The following HS6ST2 variants were observed in gnomAD, a reference collection of about 807,000 sequenced individuals.
HS6ST2 encodes heparan-sulfate 6-O-sulfotransferase 2.
HS6ST2 carries 17 observed loss-of-function variants against 33.0 expected under a neutral mutation model. The ratio of observed to expected loss-of-function variants is 0.52; its 90% CI spans 0.35 to 0.77. The LOEUF (loss-of-function observed/expected upper bound fraction) is 0.77, where lower values mean the gene tolerates loss of function less well. Among genes scored for constraint, HS6ST2 ranks in the 30% least tolerant of loss-of-function variants. HS6ST2 has a pLI of 0.01. For synonymous variants in HS6ST2, 248 were observed against 237.1 expected (o/e 1.05, Z -0.42); for missense variants, 519 against 551.7 (o/e 0.94, Z 0.59).
chrX:132,697,902 G>A (rs987949371), intron 3 of HS6ST2, among the ~76,000 whole-genome samples: 15 of 111,742 alleles, frequency 1.3e-4, no homozygotes, highest in Admixed American at 6.7e-4. Flanking sequence ...GGGAGCTAAC[G>A]TCACACTAAA....
At chrX:132,840,856 T>C (rs1048866937) in intron 2 of HS6ST2, among the ~76,000 whole-genome samples, 3 of 112,443 alleles carry the variant, frequency 2.7e-5, no homozygotes, top group Non-Finnish European at 5.6e-5. Flanking sequence ...TTCCCTCTCA[T>C]ATATAATGCA....
chrX:132,916,205 G>A (rs1048470062), intron 2 of HS6ST2, among the ~76,000 whole-genome samples: 4 of 111,614 alleles, frequency 3.6e-5, no homozygotes, highest in Non-Finnish European at 7.5e-5. Flanking sequence ...CAGCCCTGCT[G>A]CTAACTATCT....
intron 2 of HS6ST2, among the ~76,000 whole-genome samples, chrX:132,798,896 C>T (rs759396440): frequency 3.0e-4 from 34 of 111,855 alleles, no homozygotes; most frequent in African/African-American, 1.1e-3. Flanking sequence ...TCTTTTCTTC[C>T]CTAGCTGACT....
At chrX:132,786,963 G>T (rs1176819132) in intron 2 of HS6ST2, among the ~76,000 whole-genome samples, 4 of 105,258 alleles carry the variant, frequency 3.8e-5, no homozygotes, top group African/African-American at 6.9e-5. Context: ...TTCCTTCTTG[G>T]ATCCACATAT....
intron 2 of HS6ST2, among the ~76,000 whole-genome samples, chrX:132,715,406 A>G (rs1395932593): frequency 1.8e-5 from 2 of 112,211 alleles, no homozygotes; most frequent in Non-Finnish European, 3.8e-5. Context: ...ACTGCACTCC[A>G]GCTTGGGCAA....
intron 3 of HS6ST2, among the ~76,000 whole-genome samples, chrX:132,682,942 A>C (rs373455878): frequency 9.1e-6 from 1 of 109,545 alleles, no homozygotes; most frequent in Non-Finnish European, 1.9e-5. Flanking sequence ...CTCGTCTCTA[A>C]ATAATAATAA....
rs1052904757 is a variant in HS6ST2, at chrX:132,627,088, G to A, written c.*1135C>T. The A allele has an allele frequency of 8.9e-6, 1 of 112,011 alleles. No individual in the cohort carries two copies. The highest frequency in any genetic ancestry group is 1.9e-5 in the Non-Finnish European group (1 of 53,127). The allele number at this position is 112,011 out of a possible 1,213,427, so 9.2% of individuals were successfully genotyped here. ...CTGTCAACATGAAAAAGAACTAAAG[G>A]GCTAGAAATAGTTGGCCCAACTGGA... On this transcript the variant is annotated 3_prime_UTR_variant, in exon 5 of 5. Transcript: ENST00000370833.
chrX:132,659,517 G>A (rs1282355395), intron 4 of HS6ST2, among the ~76,000 whole-genome samples: 1 of 111,648 alleles, frequency 9.0e-6, no homozygotes, highest in Non-Finnish European at 1.9e-5. Flanking sequence ...CTAAAGATAA[G>A]GTGATATTTC....
chrX:132,808,803 C>T (rs1336624367), intron 2 of HS6ST2: 1 of 111,868 alleles, frequency 8.9e-6, no homozygotes, highest in Non-Finnish European at 1.9e-5. Context: ...TGGACCACAG[C>T]CTTCCCTCTA....
chrX:132,881,623 G>C (rs1047470331), intron 2 of HS6ST2, among the ~76,000 whole-genome samples: 9 of 111,737 alleles, frequency 8.1e-5, no homozygotes, highest in East Asian at 2.8e-4. Context: ...AAGCTCTTGA[G>C]TTTAATTAGA....
intron 2 of HS6ST2, 87 bp from the exon 3 acceptor site, chrX:132,708,581 G>T: frequency 1.2e-6 from 1 of 849,572 alleles, no homozygotes; most frequent in South Asian, 2.3e-5. Flanking sequence ...TGTGCTTTAA[G>T]AGCATATTTC....
At chrX:132,798,816 CA>C (rs930098470) in intron 2 of HS6ST2, among the ~76,000 whole-genome samples, 1 of 111,580 alleles carries the variant, frequency 9.0e-6, no homozygotes, top group African/African-American at 3.3e-5. Flanking sequence ...ACTTCCAAAG[CA>C]CCCAGGGGAC....
intron 2 of HS6ST2, among the ~76,000 whole-genome samples, chrX:132,890,053 T>C (rs918247459): frequency 1.8e-5 from 2 of 111,767 alleles, no homozygotes; most frequent in Admixed American, 1.9e-4. Flanking sequence ...AATGCTCCTG[T>C]TAAAGAGGAC....
intron 2 of HS6ST2, among the ~76,000 whole-genome samples, chrX:132,832,726 A>G (rs2148390069): frequency 8.9e-6 from 1 of 112,075 alleles, no homozygotes; most frequent in South Asian, 3.7e-4. Context: ...CTACTAACTT[A>G]TATACACTGT....
At chrX:132,682,635 T>G (rs2063981429) in intron 3 of HS6ST2, among the ~76,000 whole-genome samples, 1 of 109,184 alleles carries the variant, frequency 9.2e-6, no homozygotes, top group Non-Finnish European at 1.9e-5. Context: ...CTAATGACGT[T>G]TACTTTTTTT....
chrX:132,875,426 G>T (rs2066100995), intron 2 of HS6ST2, among the ~76,000 whole-genome samples: 1 of 110,880 alleles, frequency 9.0e-6, no homozygotes, highest in Non-Finnish European at 1.9e-5. Flanking sequence ...TGCTGGATGG[G>T]TAGTGAACAA....
chrX:132,949,502 G>A (rs1277829853), intron 2 of HS6ST2, among the ~76,000 whole-genome samples: 1 of 110,387 alleles, frequency 9.1e-6, no homozygotes, highest in Non-Finnish European at 1.9e-5. Flanking sequence ...TCGAAAATCA[G>A]CAGCCAATGT....
chrX:132,839,272 GTATATATATATATATATATATA>G lies in HS6ST2; in HGVS notation c.947+117514_947+117535del, dbSNP rs748319681. Among the ~76,000 whole-genome samples, 396 of 62,791 alleles carry G rather than the reference GTATATATATATATATATATATA, an allele frequency of 6.3e-3. 2 individuals carry two copies. The highest frequency in any genetic ancestry group is 0.02 in the African/African-American group (358 of 17,558). The allele number at this position is 62,791 out of a possible 115,157, so 54.5% of individuals were successfully genotyped here. On this transcript the variant is annotated intron_variant, in intron 2 of 4. Coordinates refer to ENST00000370833, the MANE Select transcript of HS6ST2 (RefSeq NM_001394073.1). ...ACTGCATACAGAAAATGTAGTGTGT[GTATATATATATATATATATATA>G]TATATATATATATATATATATACAC...
At chrX:132,805,015 C>A (rs2065267870) in intron 2 of HS6ST2, among the ~76,000 whole-genome samples, 1 of 111,271 alleles carries the variant, frequency 9.0e-6, no homozygotes, top group South Asian at 3.9e-4. Context: ...TAGCTACCAA[C>A]TGCCACTGTC....
Sources: allele counts gnomAD v4.1 joint callset (sites outside exome capture counted in the v4.1 genomes callset), GRCh38; gene constraint gnomAD v4.1.1; transcripts MANE v1.5; gene names NCBI Gene and HGNC (gene_info 2026-07-23, HGNC 2026-07-21).